PLEKHH2: variants seen among roughly 807,000 people sequenced by gnomAD.
PLEKHH2 encodes the protein pleckstrin homology domain-containing family H member 2.
Under a neutral mutation model 187.9 loss-of-function variants are expected in PLEKHH2, and 129 were observed. That is an observed-to-expected ratio of 0.69 (90% CI 0.59 to 0.79). The LOEUF (loss-of-function observed/expected upper bound fraction) is 0.79. PLEKHH2 is among the 30% of genes least tolerant of loss of function. The probability of loss-of-function intolerance (pLI) is 0.00; values close to 1 mark genes in which losing one functional copy is unlikely to be tolerated. For missense variants in PLEKHH2, 2,076 were observed against 1,751.2 expected (o/e 1.19, Z -3.31); for synonymous variants, 686 against 605.6 (o/e 1.13, Z -1.95).
intron 2 of PLEKHH2, among the ~76,000 whole-genome samples, chr2:43,658,482 A>T (rs569786145): frequency 6.6e-6 from 1 of 152,372 alleles, no homozygotes; most frequent in African/African-American, 2.4e-5. Flanking sequence ...AGAAATTTGG[A>T]AGCAACTTAG....
intron 25 of PLEKHH2, among the ~76,000 whole-genome samples, chr2:43,754,782 C>T (rs185499295): frequency 6.6e-6 from 1 of 151,128 alleles, no homozygotes; most frequent in Non-Finnish European, 1.5e-5. Context: ...CTCAATCATT[C>T]TTTTTATTCT....
Position 43,699,930 on chromosome 2 carries a change from G to A in PLEKHH2, c.972G>A (p.Met324Ile), listed in dbSNP as rs116094719. ...GVQCSRMGSE[M>I]YLTASDDSSS... The stretch of plus-strand genomic sequence containing the variant: ...AGTGTAGCAGGATGGGAAGTGAAAT[G>A]TATCTGACAGCATCTGATGACAGCA... The change falls in exon 8 of 30, where the codon ATG becomes ATA. Residue 324 changes from methionine to isoleucine, a missense_variant. Coordinates refer to ENST00000282406, the MANE Select transcript of PLEKHH2 (RefSeq NM_172069.4). The A allele has an allele frequency of 6.8e-6, 11 of 1,614,170 alleles. No individual in the cohort carries two copies. The African/African-American group carries it at 9.3e-5, about 14-fold the overall frequency.
At chr2:43,700,659 C>CTT in intron 8 of PLEKHH2, 51 bp downstream of exon 8, 1 of 1,521,136 alleles carries the variant, frequency 6.6e-7, no homozygotes, top group South Asian at 1.3e-5. Context: ...TTTCTCAACA[C>CTT]TTTTTTTTTC....
rs773913052 is a variant in PLEKHH2, at chr2:43,738,495, C to G, written c.3098C>G (p.Pro1033Arg). 37 of 1,612,490 alleles carry G rather than the reference C, an allele frequency of 2.3e-5. No homozygotes were observed. In the Admixed American group the frequency reaches 6.0e-4, roughly 26 times the overall value. The change falls in exon 20 of 30, where the codon CCA becomes CGA. Residue 1033 changes from proline to arginine, a missense_variant. Transcript: ENST00000282406. ...QLIKQTRRRQ[P>R]QNQPGPLQGW... The stretch of plus-strand genomic sequence containing the variant: ...ATTAAACAGACAAGACGAAGACAGC[C>G]ACAGAATCAACCAGGACCATTGCAG...
rs369389345 is a variant in PLEKHH2 at position 43,675,578 on chromosome 2, C to G, written c.124-3285C>G. On this transcript the variant is annotated intron_variant, in intron 2 of 29. Transcript: ENST00000282406. ...GACAATGCCTCTTCAATAAGCTGTG[C>G]GATTGGTTTTGTATTAAATACATCT... is the stretch of plus-strand genomic sequence containing the variant. The G allele has an allele frequency of 9.9e-6, 16 of 1,613,452 alleles. No homozygotes were observed. Among genetic ancestry groups the G allele is most frequent in the Non-Finnish European group, 1.4e-5 (16 of 1,179,628 alleles).
chr2:43,648,994 A>C (rs1666337155), intron 2 of PLEKHH2, among the ~76,000 whole-genome samples: 1 of 152,222 alleles, frequency 6.6e-6, no homozygotes. Flanking sequence ...TATATGCCCT[A>C]TATTTTTGGA....
chr2:43,736,048 A>T (rs72790997), intron 19 of PLEKHH2, among the ~76,000 whole-genome samples: 42 of 152,136 alleles, frequency 2.8e-4, no homozygotes, highest in Admixed American at 9.2e-4. Flanking sequence ...TATAAATTAC[A>T]TAAAGTTTGT....
chr2:43,737,491 C>G (rs1671349354), intron 19 of PLEKHH2, among the ~76,000 whole-genome samples: 1 of 152,218 alleles, frequency 6.6e-6, no homozygotes, highest in Non-Finnish European at 1.5e-5. Flanking sequence ...GGTCAGGAAT[C>G]TAGAAGCAGT....
chr2:43,710,208 T>C lies in PLEKHH2; in HGVS notation c.2104-12T>C, dbSNP rs1052935297. The C allele has an allele frequency of 1.9e-6, 3 of 1,612,678 alleles. No individual in the cohort carries two copies. Among genetic ancestry groups the C allele is most frequent in the Non-Finnish European group, 2.5e-6 (3 of 1,179,272 alleles). ...AAACTGAAAATGCTTTTGTCTATCT[T>C]TTAAAAATTAGGAACCACTGGAAAA... On this transcript the variant is annotated splice_polypyrimidine_tract_variant and intron_variant, in intron 12 of 29. Coordinates refer to ENST00000282406, the MANE Select transcript of PLEKHH2 (RefSeq NM_172069.4).
At chr2:43,706,197 T>C (rs1242177511) in intron 9 of PLEKHH2, 125 bp from the exon 10 acceptor site, 3 of 714,798 alleles carry the variant, frequency 4.2e-6, no homozygotes, top group Non-Finnish European at 7.4e-6. Flanking sequence ...ACTATACAGT[T>C]AGTAATCATG....
rs115281949 is a variant in PLEKHH2 at position 43,745,346 on chromosome 2, A to G, written c.3556-520A>G. On this transcript the variant is annotated intron_variant, in intron 23 of 29. Coordinates refer to ENST00000282406, the MANE Select transcript of PLEKHH2 (RefSeq NM_172069.4). ...GAAAAATAAAAAAATAAATAGAATTACAGAACCACAAGGGACCTTAGAGAA... is the reference window on the plus strand; with the variant it reads ...GAAAAATAAAAAAATAAATAGAATTGCAGAACCACAAGGGACCTTAGAGAA... Among the ~76,000 whole-genome samples the G allele has an allele frequency of 7.6e-3, 1,163 of 152,212 alleles. 10 individuals are homozygous for G. Among genetic ancestry groups the G allele is most frequent in the South Asian group, 0.024 (116 of 4,812 alleles).
chr2:43,675,848 T>A, intron 2 of PLEKHH2: 1 of 1,614,072 alleles, frequency 6.2e-7, no homozygotes. Flanking sequence ...GATGCATCCC[T>A]TGTAAACAAA....
At chr2:43,738,011 T>G (rs1024435736) in intron 19 of PLEKHH2, among the ~76,000 whole-genome samples, 1 of 152,182 alleles carries the variant, frequency 6.6e-6, no homozygotes, top group African/African-American at 2.4e-5. Flanking sequence ...GTGACTAAAA[T>G]GAAAAATATG....
intron 17 of PLEKHH2, among the ~76,000 whole-genome samples, chr2:43,727,272 C>T (rs1056353776): frequency 6.6e-6 from 1 of 151,870 alleles, no homozygotes. Context: ...ATTAGCCAGG[C>T]GAGGTGGCGT....
intron 1 of PLEKHH2, among the ~76,000 whole-genome samples, chr2:43,641,859 G>A: frequency 6.6e-6 from 1 of 152,138 alleles, no homozygotes; most frequent in Non-Finnish European, 1.5e-5. Flanking sequence ...CTTTATGCAA[G>A]TACCACACTG....
chr2:43,691,135 C>G (rs1199937496), intron 3 of PLEKHH2, among the ~76,000 whole-genome samples: 1 of 152,164 alleles, frequency 6.6e-6, no homozygotes, highest in Non-Finnish European at 1.5e-5. Flanking sequence ...TGTTTTTTTC[C>G]CATTACCCTT....
chr2:43,647,122 G>T (rs959891964), intron 2 of PLEKHH2, among the ~76,000 whole-genome samples: 3 of 151,958 alleles, frequency 2.0e-5, no homozygotes, highest in Admixed American at 6.6e-5. Context: ...CTCTGTATAG[G>T]TATGGTATGA....
At chr2:43,734,070 C>G (rs1275781267) in intron 19 of PLEKHH2, among the ~76,000 whole-genome samples, 1 of 152,060 alleles carries the variant, frequency 6.6e-6, no homozygotes, top group African/African-American at 2.4e-5. Flanking sequence ...AAAGAAGGAA[C>G]TTTTCTAAAT....
At chr2:43,742,986 G>T in intron 22 of PLEKHH2, 68 bp downstream of exon 22, 1 of 1,246,550 alleles carries the variant, frequency 8.0e-7, no homozygotes, top group Non-Finnish European at 1.1e-6. Flanking sequence ...AGGGAACAGA[G>T]ACTTCTCTGC....
Sources: gnomAD v4.1 joint callset for allele counts (sites outside exome capture counted in the v4.1 genomes callset) on GRCh38, gnomAD v4.1.1 for gene constraint, MANE v1.5 for transcripts, NCBI Gene and HGNC (gene_info 2026-07-23, HGNC 2026-07-21) for gene names.